The following CREBBP variants were observed in gnomAD, a reference collection of about 807,000 sequenced individuals.
CREBBP encodes the protein CREB-binding protein.
Under a neutral mutation model 265.0 loss-of-function variants are expected in CREBBP, and 19 were observed. The observed-to-expected ratio is 0.07, with a 90% CI of 0.05 to 0.11. CREBBP has a LOEUF of 0.11. Ranked by LOEUF, CREBBP falls within the 10% of genes least tolerant of loss-of-function variation. The pLI, the probability that CREBBP is intolerant of heterozygous loss-of-function variation, is 1.00. For synonymous variants in CREBBP, 1,457 were observed against 1,223.7 expected (o/e 1.19, Z -3.98); for missense variants, 2,525 against 3,219.0 (o/e 0.78, Z 5.22).
intron 25 of CREBBP, among the ~76,000 whole-genome samples, chr16:3,739,194 A>C (rs1428669142): frequency 6.6e-6 from 1 of 152,250 alleles, no homozygotes; most frequent in African/African-American, 2.4e-5. Flanking sequence ...ACAGAGAGCC[A>C]CAGTTAAGGC....
intron 20 of CREBBP, 68 bp downstream of exon 20, chr16:3,751,658 G>T: frequency 1.4e-6 from 2 of 1,465,778 alleles, no homozygotes; most frequent in Non-Finnish European, 1.9e-6. Flanking sequence ...TATAGTCATT[G>T]GTAAGAGGAA....
rs1159788023 is a variant in CREBBP, at chr16:3,729,791, C to T, written c.5256G>A (p.Glu1752=). The T allele has an allele frequency of 1.2e-6, 2 of 1,605,874 alleles. No individual in the cohort carries two copies. The highest frequency in any genetic ancestry group is 4.5e-5 in the East Asian group (2 of 44,874). The change falls in exon 31 of 31, where the codon GAG becomes GAA. Residue 1752 remains glutamate (E), a synonymous_variant. Coordinates refer to ENST00000262367, the MANE Select transcript of CREBBP (RefSeq NM_004380.3). ...MVKWGLGLDD[E]GSSQGEPQSK... ...ACTGTGGCTCGCCCTGGCTGCTGCC[C>T]TCGTCATCCAGGCCCAGCCCCCACT... is the stretch of plus-strand genomic sequence containing the variant.
At chr16:3,765,280 G>A (rs920982948) in intron 16 of CREBBP, among the ~76,000 whole-genome samples, 3 of 151,402 alleles carry the variant, frequency 2.0e-5, no homozygotes, top group African/African-American at 7.4e-5. Context: ...CTGGCCGCCT[G>A]GTACATGTCT....
intron 28 of CREBBP, among the ~76,000 whole-genome samples, chr16:3,734,752 G>A (rs2052007603): frequency 6.6e-6 from 1 of 152,120 alleles, no homozygotes; most frequent in Non-Finnish European, 1.5e-5. Flanking sequence ...GCAGGTGGCT[G>A]CCTCTCAACC....
At chr16:3,822,704 G>A (rs956731552) in intron 2 of CREBBP, among the ~76,000 whole-genome samples, 7 of 152,312 alleles carry the variant, frequency 4.6e-5, no homozygotes, top group Middle Eastern at 3.4e-3. Flanking sequence ...CACACTCAAA[G>A]ATATATTGTT....
intron 15 of CREBBP, 57 bp from the exon 16 acceptor site, chr16:3,767,966 A>G (rs1392403688): frequency 6.5e-7 from 1 of 1,537,456 alleles, no homozygotes; most frequent in Non-Finnish European, 9.0e-7. Flanking sequence ...TGTTACCGCA[A>G]CCTCACGGGA....
At position 3,778,904 on chromosome 16, in the gene CREBBP, C is replaced by T. The variant is rs1440367685; in HGVS notation, c.1824-87G>A. 57 of 1,103,410 alleles carry T rather than the reference C, an allele frequency of 5.2e-5. 1 individual carries two copies. Among genetic ancestry groups the T allele is most frequent in the Non-Finnish European group, 7.2e-5 (53 of 738,668 alleles). The allele number at this position is 1,103,410 out of a possible 1,614,324, so 68.4% of individuals were successfully genotyped here. On this transcript the variant is annotated intron_variant, in intron 8 of 30. Transcript: ENST00000262367. ...GGTTTCGTCCAGGCGCGGTGGCTCA[C>T]GCTTGTAATCCCAGCACTTTGGGAG...
chr16:3,801,148 A>C (rs1435424329), intron 3 of CREBBP, among the ~76,000 whole-genome samples: 1 of 152,100 alleles, frequency 6.6e-6, no homozygotes, highest in Non-Finnish European at 1.5e-5. Context: ...TGATGAGCCA[A>C]CCAACTAGCA....
At chr16:3,749,560 C>T (rs1375939129) in intron 21 of CREBBP, 67 bp downstream of exon 21, 7 of 1,091,758 alleles carry the variant, frequency 6.4e-6, no homozygotes, top group Admixed American at 1.8e-5. Context: ...CAACCCACTC[C>T]ATAAGGAGTA....
At chr16:3,845,650 C>G (rs1244254220) in intron 2 of CREBBP, among the ~76,000 whole-genome samples, 3 of 152,056 alleles carry the variant, frequency 2.0e-5, no homozygotes, top group Non-Finnish European at 4.4e-5. Context: ...GTTTGGGAGG[C>G]TGAGGTGGGT....
intron 3 of CREBBP, among the ~76,000 whole-genome samples, chr16:3,793,944 T>C (rs1018939278): frequency 2.0e-5 from 3 of 152,192 alleles, no homozygotes; most frequent in African/African-American, 4.8e-5. Context: ...CTGTGTACTA[T>C]ACCAGCTGGA....
In CREBBP at chr16:3,770,792, A is replaced by G. The variant is rs1443998563; in HGVS notation, c.2658T>C (p.Thr886=). ...AAGACGACACAGGAGTTGATGGCTGAGTGGGAGCTGCTGGCTGGGGAGGAG... is the reference window on the plus strand; with the variant it reads ...AAGACGACACAGGAGTTGATGGCTGGGTGGGAGCTGCTGGCTGGGGAGGAG... ...GMTPPQPAAP[T]QPSTPVSSSG... Residue 886 remains threonine (T), a synonymous_variant, in exon 14 of 31, where the codon ACT becomes ACC. Transcript: ENST00000262367. 3.7e-6 allele frequency: 6 copies of G among 1,613,858 alleles called. No homozygotes were observed. The highest frequency in any genetic ancestry group is 5.1e-6 in the Non-Finnish European group (6 of 1,180,000).
intron 13 of CREBBP, among the ~76,000 whole-genome samples, chr16:3,772,895 T>C (rs1452361477): frequency 9.6e-6 from 1 of 104,348 alleles, no homozygotes; most frequent in Admixed American, 1.3e-4. Context: ...CATGGTGAAA[T>C]CCCGTCTCTA....
Position 3,880,108 on chromosome 16 carries a change from C to T in CREBBP, c.-192G>A. On this transcript the variant is annotated 5_prime_UTR_variant, in exon 1 of 31. Coordinates refer to ENST00000262367, the MANE Select transcript of CREBBP (RefSeq NM_004380.3). Reference sequence around the variant, plus strand: ...GGCGGCCAAATCTCAGCCACAGCAACAGCGCCCCGCAGCGCTCACCGCCCG... The same window carrying T: ...GGCGGCCAAATCTCAGCCACAGCAATAGCGCCCCGCAGCGCTCACCGCCCG... 2 of 205,466 alleles carry T rather than the reference C, an allele frequency of 9.7e-6. No homozygotes were observed. The highest frequency in any genetic ancestry group is 2.2e-4 in the East Asian group (2 of 9,036). 12.7% of individuals were successfully genotyped at this position (205,466 alleles called of 1,614,324 possible). A position where few individuals can be genotyped will look rare whatever the true frequency, so the allele number is the denominator to read the frequency against.
In CREBBP at chr16:3,726,895, G is replaced by C. The variant is rs910814393; in HGVS notation, c.*823C>G. 4.3e-6 allele frequency: 1 copy of C among 233,472 alleles called. No homozygotes were observed. The highest frequency in any genetic ancestry group is 8.5e-6 in the Non-Finnish European group (1 of 118,026). 14.5% of individuals were successfully genotyped at this position (233,472 alleles called of 1,614,324 possible). ...TATTTTACCATTCTATACAGTGATT[G>C]AATCTTCTCGAGTTTCGTATTTATA... On this transcript the variant is annotated 3_prime_UTR_variant, in exon 31 of 31. Transcript: ENST00000262367.
intron 16 of CREBBP, among the ~76,000 whole-genome samples, chr16:3,765,793 A>G (rs1452217110): frequency 1.3e-5 from 2 of 152,106 alleles, no homozygotes; most frequent in Non-Finnish European, 2.9e-5. Context: ...AGCTACAGGC[A>G]TGCACTACCA....
chr16:3,792,148 T>C, intron 4 of CREBBP, 54 bp from the exon 5 acceptor site: 1 of 1,340,844 alleles, frequency 7.5e-7, no homozygotes, highest in Middle Eastern at 1.8e-4. Flanking sequence ...CGTCACACTT[T>C]CAATTATACC....
intron 3 of CREBBP, among the ~76,000 whole-genome samples, chr16:3,806,234 C>T (rs2053827532): frequency 6.6e-6 from 1 of 152,090 alleles, no homozygotes; most frequent in Non-Finnish European, 1.5e-5. Context: ...ACCACTCTCC[C>T]ATCCTCCCGT....
intron 2 of CREBBP, among the ~76,000 whole-genome samples, chr16:3,827,315 C>G (rs996169785): frequency 6.6e-6 from 1 of 152,124 alleles, no homozygotes; most frequent in South Asian, 2.1e-4. Flanking sequence ...AAACTCAGAA[C>G]ATAAAAATCA....
Sources: gnomAD v4.1 joint callset for allele counts (sites outside exome capture counted in the v4.1 genomes callset) on GRCh38, gnomAD v4.1.1 for gene constraint, MANE v1.5 for transcripts, NCBI Gene and HGNC (gene_info 2026-07-23, HGNC 2026-07-21) for gene names.